MTCL1: variants seen among roughly 807,000 people sequenced by gnomAD.
MTCL1 encodes the protein microtubule crosslinking factor 1.
MTCL1 carries 79 observed loss-of-function variants against 141.4 expected under a neutral mutation model. That is an observed-to-expected ratio of 0.56 (90% CI 0.47 to 0.67). MTCL1 has a LOEUF of 0.67. Ranked by LOEUF, MTCL1 falls within the 30% of genes least tolerant of loss-of-function variation. MTCL1 has a pLI of 0.00. For missense variants in MTCL1, 2,177 were observed against 2,113.9 expected, an observed-to-expected ratio of 1.03 and a Z score of -0.59; for synonymous variants, 914 against 875.8, an observed-to-expected ratio of 1.04 and a Z score of -0.77.
upstream of MTCL1, among the ~76,000 whole-genome samples, chr18:8,716,438 C>T (rs955563187): frequency 5.9e-5 from 9 of 152,224 alleles, no homozygotes; most frequent in South Asian, 2.1e-4. Flanking sequence ...TAAGGTTGAC[C>T]GAAGCATCAT....
chr18:8,761,163 G>C (rs1207877959), intron 4 of MTCL1, among the ~76,000 whole-genome samples: 3 of 152,124 alleles, frequency 2.0e-5, no homozygotes, highest in African/African-American at 7.2e-5. Context: ...TTGCTTCTTG[G>C]CCATAAAAGG....
chr18:8,746,167 A>G (rs146889491), intron 4 of MTCL1, among the ~76,000 whole-genome samples: 42 of 152,276 alleles, frequency 2.8e-4, no homozygotes, highest in Admixed American at 2.6e-3. Context: ...GCCCTCACCT[A>G]TGTCTGTTGT....
chr18:8,712,221 C>T (rs1018432670), intron 1 of MTCL1, among the ~76,000 whole-genome samples: 1 of 152,150 alleles, frequency 6.6e-6, no homozygotes, highest in Non-Finnish European at 1.5e-5. Context: ...TAAAAGAAAA[C>T]AAGTTGGTGC....
chr18:8,737,951 C>T (rs550698318), intron 4 of MTCL1, among the ~76,000 whole-genome samples: 20 of 152,240 alleles, frequency 1.3e-4, no homozygotes, highest in Non-Finnish European at 2.2e-4. Flanking sequence ...TCAGTCTCGC[C>T]GGAGTGTGTT....
chr18:8,776,138 C>T (rs2096507298), intron 4 of MTCL1, among the ~76,000 whole-genome samples: 1 of 152,166 alleles, frequency 6.6e-6, no homozygotes, highest in Non-Finnish European at 1.5e-5. Flanking sequence ...TCTGAGCAGA[C>T]CTCAGATGAG....
chr18:8,707,550 G>A (rs1195360332), intron 1 of MTCL1: 2 of 152,842 alleles, frequency 1.3e-5, no homozygotes, highest in African/African-American at 4.8e-5. Context: ...GGGTTCCCGG[G>A]GTCAGGACGA....
intron 12 of MTCL1, 76 bp downstream of exon 11, chr18:8,813,309 C>G: frequency 1.3e-6 from 2 of 1,501,058 alleles, no homozygotes; most frequent in Middle Eastern, 2.0e-4. Flanking sequence ...AGCAAAAGCA[C>G]TAGGCTGCTT....
intron 4 of MTCL1, among the ~76,000 whole-genome samples, chr18:8,742,007 G>T (rs965058996): frequency 6.6e-6 from 1 of 151,318 alleles, no homozygotes; most frequent in Non-Finnish European, 1.5e-5. Context: ...ATTCAGACCT[G>T]CCCTGGTGTC....
Position 8,779,357 on chromosome 18 carries a change from A to G in MTCL1, c.417+1465A>G, listed in dbSNP as rs145510665. On this transcript the variant is annotated intron_variant, in intron 5 of 16. Transcript: ENST00000359865. This position sits in a 1 kb window ranked among gnomAD's most constrained non-coding sequence, Gnocchi z 4.1. Reference sequence around the variant, plus strand: ...CATACCACATTCCTGGGGCTATCCAATGATCTCTCGAAACCAGAAATGATA... The same window carrying G: ...CATACCACATTCCTGGGGCTATCCAGTGATCTCTCGAAACCAGAAATGATA... 2.0e-5 allele frequency among the ~76,000 whole-genome samples: 3 copies of G among 152,170 alleles called. No individual in the cohort carries two copies. The highest frequency in any genetic ancestry group is 1.9e-4 in the East Asian group (1 of 5,174).
intron 10 of MTCL1, among the ~76,000 whole-genome samples, chr18:8,803,029 C>A (rs923664999): frequency 4.6e-5 from 7 of 151,990 alleles, no homozygotes; most frequent in African/African-American, 1.7e-4. Flanking sequence ...AGGGGTACCA[C>A]CAGGGGAAGA....
intron 15 of MTCL1, among the ~76,000 whole-genome samples, chr18:8,826,786 T>C (rs1311015280): frequency 2.0e-5 from 3 of 152,188 alleles, no homozygotes; most frequent in African/African-American, 7.2e-5. Context: ...TGAGCCCCCC[T>C]AGCAGTAAAA....
chr18:8,777,909 A>T lies in MTCL1; in HGVS notation c.417+17A>T, dbSNP rs757067232. The T allele has an allele frequency of 6.8e-6, 11 of 1,610,136 alleles. No homozygotes were observed. The South Asian group carries it at 7.7e-5, about 11-fold the overall frequency. On this transcript the variant is annotated intron_variant, in intron 5 of 16. Transcript: ENST00000359865. ...TTTAACCAGGTAAGCAGAGGTTTTCATTCTAATGTTACATCTCCTATAAGT... is the reference window on the plus strand; with the variant it reads ...TTTAACCAGGTAAGCAGAGGTTTTCTTTCTAATGTTACATCTCCTATAAGT...
In MTCL1 at chr18:8,733,007, G is replaced by T. The variant is rs146214450; in HGVS notation, c.357+12511G>T. Among the ~76,000 whole-genome samples, 364 of 152,376 alleles carry T rather than the reference G, an allele frequency of 2.4e-3. 5 individuals are homozygous for T. Among genetic ancestry groups the T allele is most frequent in the African/African-American group, 8.4e-3 (349 of 41,598 alleles). On this transcript the variant is annotated intron_variant, in intron 4 of 16. Transcript: ENST00000359865. Reference sequence around the variant, plus strand: ...GTGCTCTGGTTGCCCAGGCAAAGCCGTGTTCATTGATCAGACATCTATCTG... The same window carrying T: ...GTGCTCTGGTTGCCCAGGCAAAGCCTTGTTCATTGATCAGACATCTATCTG...
chr18:8,780,611 C>G (rs1478595602), intron 5 of MTCL1, among the ~76,000 whole-genome samples: 3 of 152,226 alleles, frequency 2.0e-5, no homozygotes, highest in Non-Finnish European at 2.9e-5. Flanking sequence ...GCTGAGGGCA[C>G]TCCCCTGTTT....
At chr18:8,722,301 G>C (rs1371136344) in intron 4 of MTCL1, among the ~76,000 whole-genome samples, 2 of 152,174 alleles carry the variant, frequency 1.3e-5, no homozygotes, top group Non-Finnish European at 2.9e-5. Context: ...TGCATGTCTT[G>C]TAGTCCTAGA....
At chr18:8,706,753 C>A in intron 1 of MTCL1, 40 bp downstream of exon 1, 1 of 1,540,222 alleles carries the variant, frequency 6.5e-7, no homozygotes, top group Non-Finnish European at 8.7e-7. Flanking sequence ...GGGGCGCCCC[C>A]GGAGGGCCTG....
At chr18:8,815,185 C>A (rs921260409) in intron 12 of MTCL1, among the ~76,000 whole-genome samples, 3 of 152,052 alleles carry the variant, frequency 2.0e-5, no homozygotes, top group Non-Finnish European at 4.4e-5. Flanking sequence ...ATGTTTATTG[C>A]GGCAGTATTC....
rs2008674 is a variant in MTCL1, at chr18:8,717,775, C to T, written c.-86-129C>T. 3.3e-3 allele frequency: 1,420 copies of T among 424,148 alleles called. 27 individuals carry two copies. Among genetic ancestry groups the T allele is most frequent in the African/African-American group, 0.028 (1,299 of 46,542 alleles). The allele number at this position is 424,148 out of a possible 1,614,324, so 26.3% of individuals were successfully genotyped here. Reference sequence around the variant, plus strand: ...CAGGAATGAAATGACTCCTTGGGTTCCCCTGTATTCAGGGTGCATTCCTGT... The same window carrying T: ...CAGGAATGAAATGACTCCTTGGGTTTCCCTGTATTCAGGGTGCATTCCTGT... On this transcript the variant is annotated intron_variant, in intron 1 of 16. Coordinates refer to ENST00000359865, the Ensembl canonical transcript of MTCL1.
At chr18:8,819,251 C>T (rs1418698267) in exon 13 of MTCL1, 1 of 1,614,016 alleles carries the variant, frequency 6.2e-7, no homozygotes, top group Admixed American at 1.7e-5. Flanking sequence ...CAGGAACCGC[C>T]TCCCTGAGGT....
Sources: gnomAD v4.1 joint callset for allele counts (sites outside exome capture counted in the v4.1 genomes callset) on GRCh38, gnomAD v4.1.1 for gene constraint, Gnocchi (gnomAD v3.1) non-coding constraint, MANE v1.5 for transcripts, NCBI Gene and HGNC (gene_info 2026-07-23, HGNC 2026-07-21) for gene names.